The following ANXA2 variants were observed in gnomAD, a reference collection of about 807,000 sequenced individuals.
The protein encoded by ANXA2 is annexin II.
A neutral mutation model predicts 47.3 loss-of-function variants in ANXA2; 28 were observed. The observed-to-expected ratio is 0.59, with a 90% CI of 0.44 to 0.81. The LOEUF is 0.81. ANXA2 is among the 40% of genes least tolerant of loss of function. The probability of loss-of-function intolerance (pLI) is 0.00; values close to 1 mark genes in which losing one functional copy is unlikely to be tolerated. For missense variants in ANXA2, 384 were observed against 414.3 expected, an observed-to-expected ratio of 0.93 and a Z score of 0.64; for synonymous variants, 172 against 155.5, an observed-to-expected ratio of 1.11 and a Z score of -0.79.
At chr15:60,375,807 T>A (rs2062768227) in intron 3 of ANXA2, among the ~76,000 whole-genome samples, 1 of 152,170 alleles carries the variant, frequency 6.6e-6, no homozygotes, top group Non-Finnish European at 1.5e-5. Flanking sequence ...TCCCCCCTTC[T>A]CATAAGCACA....
At chr15:60,353,997 T>G (rs547099648) in intron 8 of ANXA2, among the ~76,000 whole-genome samples, 157 bp downstream of exon 8, 77 of 152,318 alleles carry the variant, frequency 5.1e-4, no homozygotes, top group South Asian at 2.1e-4. Flanking sequence ...AATCTACTCC[T>G]CAATTCCTGA....
intron 8 of ANXA2, among the ~76,000 whole-genome samples, chr15:60,353,433 A>C (rs1004705779): frequency 1.3e-5 from 2 of 152,198 alleles, no homozygotes; most frequent in East Asian, 1.9e-4. Flanking sequence ...CCTGATTGGT[A>C]TGCACAGCCA....
chr15:60,357,311 A>G (rs937217764), intron 5 of ANXA2, 75 bp from the exon 6 acceptor site: 7 of 1,250,778 alleles, frequency 5.6e-6, no homozygotes, highest in Admixed American at 1.8e-5. Context: ...ATCTCCATCA[A>G]GTAAATTGCA....
In ANXA2 at chr15:60,347,306, T is replaced by C. The variant is rs938483800; in HGVS notation, c.*324A>G. 1.4e-5 allele frequency: 5 copies of C among 361,028 alleles called. No individual in the cohort carries two copies. The highest frequency in any genetic ancestry group is 5.4e-5 in the East Asian group (1 of 18,634). The allele number at this position is 361,028 out of a possible 1,614,324, so 22.4% of individuals were successfully genotyped here. Reference sequence around the variant, plus strand: ...CACGTTTAATTTTCAAACAATTCAGTTGAAAGCAGGGCCACAAAGTACGTG... The same window carrying C: ...CACGTTTAATTTTCAAACAATTCAGCTGAAAGCAGGGCCACAAAGTACGTG... On this transcript the variant is annotated 3_prime_UTR_variant, in exon 13 of 13. Coordinates refer to ENST00000451270, the MANE Select transcript of ANXA2 (RefSeq NM_004039.3).
chr15:60,359,492 G>A (rs1024006424), intron 5 of ANXA2, among the ~76,000 whole-genome samples: 2 of 152,234 alleles, frequency 1.3e-5, no homozygotes, highest in Non-Finnish European at 2.9e-5. Context: ...TCTTAATGAC[G>A]TCTTTTCTGC....
Position 60,351,798 on chromosome 15 carries a change from T to C in ANXA2, c.704A>G (p.Tyr235Cys). ...LQKVFDRYKSYSPYDMLESIR... is the reference protein window; with the variant it reads ...LQKVFDRYKSCSPYDMLESIR... ...GCTTTCCAACATGTCATAAGGGCTGTAACTCTTGTACCTATCAAATACTGA... is the reference window on the plus strand; with the variant it reads ...GCTTTCCAACATGTCATAAGGGCTGCAACTCTTGTACCTATCAAATACTGA... The change falls in exon 10 of 13, where the codon TAC (tyrosine) becomes TGC (cysteine). Residue 235 changes from tyrosine to cysteine, a missense_variant. Coordinates refer to ENST00000451270, the MANE Select transcript of ANXA2 (RefSeq NM_004039.3). 1 of 1,612,800 alleles carries C rather than the reference T, an allele frequency of 6.2e-7. No individual in the cohort carries two copies. Among genetic ancestry groups the C allele is most frequent in the African/African-American group, 1.3e-5 (1 of 75,010 alleles).
intron 2 of ANXA2, chr15:60,385,775 A>C: frequency 2.4e-6 from 1 of 418,008 alleles, no homozygotes; most frequent in Non-Finnish European, 4.3e-6. Flanking sequence ...TGGCAGAATA[A>C]AATTCCAGCC....
chr15:60,393,556 A>G, intron 1 of ANXA2: 1 of 985,558 alleles, frequency 1.0e-6, no homozygotes, highest in Non-Finnish European at 1.2e-6. Context: ...TGCACAGAAG[A>G]GTTAACTGGA....
intron 12 of ANXA2, 130 bp from the exon 13 acceptor site, chr15:60,347,819 G>A: frequency 1.2e-6 from 1 of 811,380 alleles, no homozygotes; most frequent in African/African-American, 1.7e-5. Flanking sequence ...CAGGAGACCT[G>A]CCCTGATACA....
rs576093157 is a variant in ANXA2, at chr15:60,347,439, C to A, written c.*191G>T. ...TTCCAACTCCTTGGAATGTTCATTTCTTTGGCTTACAGGAGAGACTAGACA... is the reference window on the plus strand; with the variant it reads ...TTCCAACTCCTTGGAATGTTCATTTATTTGGCTTACAGGAGAGACTAGACA... On this transcript the variant is annotated 3_prime_UTR_variant, in exon 13 of 13. Coordinates refer to ENST00000451270, the MANE Select transcript of ANXA2 (RefSeq NM_004039.3). 3.3e-6 allele frequency: 2 copies of A among 609,314 alleles called. No homozygotes were observed. Among genetic ancestry groups the A allele is most frequent in the Non-Finnish European group, 5.8e-6 (2 of 343,750 alleles). 37.7% of individuals were successfully genotyped at this position (609,314 alleles called of 1,614,324 possible).
Position 60,364,526 on chromosome 15 carries a change from A to T in ANXA2, c.149-3T>A, listed in dbSNP as rs1233884289. 6.2e-7 allele frequency: 1 copy of T among 1,606,626 alleles called. No individual in the cohort carries two copies. The stretch of plus-strand genomic sequence containing the variant: ...GACAATGGTGACCTCATCCACACCT[A>T]TGGAAATACAAGTTGTTAATCGTTA... On this transcript the variant is annotated splice_polypyrimidine_tract_variant and splice_region_variant and intron_variant, in intron 3 of 12. Coordinates refer to ENST00000451270, the MANE Select transcript of ANXA2 (RefSeq NM_004039.3).
Position 60,347,559 on chromosome 15 carries a change from G to C in ANXA2, c.*71C>G, listed in dbSNP as rs1263912153. 1.3e-6 allele frequency: 2 copies of C among 1,501,528 alleles called. No individual in the cohort carries two copies. The highest frequency in any genetic ancestry group is 2.8e-5 in the African/African-American group (2 of 72,526). The allele number at this position is 1,501,528 out of a possible 1,614,324, so 93.0% of individuals were successfully genotyped here. ...TGGCCACGGGGACTGTTATTCGCAA[G>C]CTGGTTTTCTAGACCTGTTAGCTGG... On this transcript the variant is annotated 3_prime_UTR_variant, in exon 13 of 13. Transcript: ENST00000451270.
Position 60,361,077 on chromosome 15 carries a change from A to G in ANXA2, c.244-23T>C, listed in dbSNP as rs755984613. On this transcript the variant is annotated intron_variant, in intron 4 of 12. Transcript: ENST00000451270. ...TTCCTTCAAGATAACAGGCAATCATAAGGAAAATATTTATTTTACTTTAAA... is the reference window on the plus strand; with the variant it reads ...TTCCTTCAAGATAACAGGCAATCATGAGGAAAATATTTATTTTACTTTAAA... 6 of 1,481,108 alleles carry G rather than the reference A, an allele frequency of 4.1e-6. No homozygotes were observed. In the South Asian group the frequency reaches 4.5e-5, roughly 11 times the overall value. 91.7% of individuals were successfully genotyped at this position (1,481,108 alleles called of 1,614,324 possible).
At chr15:60,382,611 A>G in intron 2 of ANXA2, 170 bp from the exon 3 acceptor site, 1 of 461,498 alleles carries the variant, frequency 2.2e-6, no homozygotes, top group Non-Finnish European at 3.9e-6. Context: ...AAGCAATTTC[A>G]TTTTTTCTAA....
Position 60,354,200 on chromosome 15 carries a change from T to A in ANXA2, c.542A>T (p.Glu181Val). The A allele has an allele frequency of 5.0e-6, 8 of 1,613,542 alleles. No homozygotes were observed. The highest frequency in any genetic ancestry group is 6.8e-6 in the Non-Finnish European group (8 of 1,179,582). ...MVALAKGRRA[E>V]DGSVIDYELI... ...TTCATAATCAATGACAGAGCCATCC[T>A]CTGCTCTTCTACCCTATGGGGGAAA... is the stretch of plus-strand genomic sequence containing the variant. Residue 181 changes from glutamate to valine, a missense_variant, in exon 8 of 13, where the codon GAG becomes GTG. Glu to Val is a moderately radical substitution (Grantham distance 121). Coordinates refer to ENST00000451270, the MANE Select transcript of ANXA2 (RefSeq NM_004039.3).
chr15:60,366,039 CG>C (rs1462246860), intron 3 of ANXA2, among the ~76,000 whole-genome samples: 1 of 136,292 alleles, frequency 7.3e-6, no homozygotes, highest in Non-Finnish European at 1.6e-5. Context: ...TTGGTGGAGA[CG>C]GGGTTTCGCT....
intron 3 of ANXA2, among the ~76,000 whole-genome samples, chr15:60,372,728 C>T (rs1480156391): frequency 1.4e-5 from 2 of 143,574 alleles, no homozygotes; most frequent in African/African-American, 2.6e-5. Context: ...GGGTCTCACT[C>T]TGTTGACCAG....
At chr15:60,371,626 C>A (rs1005040979) in intron 3 of ANXA2, among the ~76,000 whole-genome samples, 1 of 152,142 alleles carries the variant, frequency 6.6e-6, no homozygotes, top group Non-Finnish European at 1.5e-5. Flanking sequence ...ATGAAGGTCT[C>A]GGGAGAGTGG....
intron 3 of ANXA2, among the ~76,000 whole-genome samples, chr15:60,377,053 G>A (rs992312047): frequency 6.6e-6 from 1 of 152,238 alleles, no homozygotes; most frequent in Admixed American, 6.5e-5. Context: ...AATACTTGAG[G>A]TTTATACCGT....
Sources: allele counts gnomAD v4.1 joint callset (sites outside exome capture counted in the v4.1 genomes callset), GRCh38; gene constraint gnomAD v4.1.1; transcripts MANE v1.5; gene names NCBI Gene and HGNC (gene_info 2026-07-23, HGNC 2026-07-21).